Variants in NDST4 observed in about 807,000 individuals in gnomAD.
The protein encoded by NDST4 is N-deacetylase and N-sulfotransferase 4.
NDST4 carries 63 observed loss-of-function variants against 100.8 expected under a neutral mutation model. The observed-to-expected ratio is 0.62, with a 90% CI of 0.51 to 0.77. The LOEUF (loss-of-function observed/expected upper bound fraction) is 0.77, where lower values mean the gene tolerates loss of function less well. NDST4 is among the 30% of genes least tolerant of loss of function. The pLI, the probability that NDST4 is intolerant of heterozygous loss-of-function variation, is 0.00. For synonymous variants in NDST4, 377 were observed against 361.8 expected, an observed-to-expected ratio of 1.04 and a Z score of -0.48; for missense variants, 943 against 1,018.4, an observed-to-expected ratio of 0.93 and a Z score of 1.01.
At chr4:115,069,234 T>C (rs1729018229) in intron 2 of NDST4, among the ~76,000 whole-genome samples, 1 of 152,146 alleles carries the variant, frequency 6.6e-6, no homozygotes, top group African/African-American at 2.4e-5. Flanking sequence ...AGTTGAAAAC[T>C]ATATAGTGGG....
chr4:114,830,567 G>A (rs1258903339), intron 12 of NDST4, among the ~76,000 whole-genome samples: 1 of 152,168 alleles, frequency 6.6e-6, no homozygotes, highest in Non-Finnish European at 1.5e-5. Context: ...TAGCTGCACT[G>A]AGTTATAAAA....
At chr4:114,857,875 C>A (rs1402397358) in intron 7 of NDST4, among the ~76,000 whole-genome samples, 1 of 152,084 alleles carries the variant, frequency 6.6e-6, no homozygotes, top group East Asian at 1.9e-4. Flanking sequence ...GTGGATGGAC[C>A]TATGATAGTG....
Position 115,041,461 on chromosome 4 carries a change from G to GA in NDST4, c.978+34597dup, listed in dbSNP as rs1233691594. 9.9e-5 allele frequency among the ~76,000 whole-genome samples: 15 copies of GA among 151,774 alleles called. No homozygotes were observed. In the South Asian group the frequency reaches 2.7e-3, roughly 27 times the overall value. Reference sequence around the variant, plus strand: ...ATTGATGGCAAACTCAAACAGGTTTGAAAAAAAATCTCAATATTAAATATG... The same window carrying GA: ...ATTGATGGCAAACTCAAACAGGTTTGAAAAAAAAATCTCAATATTAAATATG... On this transcript the variant is annotated intron_variant, in intron 2 of 13. Transcript: ENST00000264363.
chr4:115,002,039 T>C (rs1176248961), intron 2 of NDST4, among the ~76,000 whole-genome samples: 1 of 152,210 alleles, frequency 6.6e-6, no homozygotes, highest in East Asian at 1.9e-4. Context: ...CTTCAAGTTA[T>C]GATGCTAGTA....
chr4:114,833,494 G>A, intron 12 of NDST4, 112 bp downstream of exon 12: 1 of 692,508 alleles, frequency 1.4e-6, no homozygotes, highest in Non-Finnish European at 2.6e-6. Context: ...CTTGTAGGTA[G>A]CATAGGATGT....
intron 6 of NDST4, among the ~76,000 whole-genome samples, chr4:114,899,659 A>G (rs1193970239): frequency 6.6e-6 from 1 of 152,140 alleles, no homozygotes; most frequent in Admixed American, 6.6e-5. Context: ...TTTTCCAATG[A>G]TGAGCCAGCA....
intron 2 of NDST4, among the ~76,000 whole-genome samples, chr4:115,022,551 A>G (rs1408297062): frequency 1.4e-5 from 2 of 146,432 alleles, no homozygotes; most frequent in African/African-American, 5.4e-5. Flanking sequence ...AGACGTAAAA[A>G]TGAATGAATT....
At chr4:114,989,403 A>G (rs912991083) in intron 2 of NDST4, among the ~76,000 whole-genome samples, 2 of 152,210 alleles carry the variant, frequency 1.3e-5, no homozygotes, top group African/African-American at 4.8e-5. Context: ...ATGCTTACCT[A>G]TTCAAGAAAT....
intron 2 of NDST4, among the ~76,000 whole-genome samples, chr4:115,034,297 G>A (rs1308513250): frequency 1.3e-5 from 2 of 152,012 alleles, no homozygotes; most frequent in Non-Finnish European, 2.9e-5. Context: ...CATCTGCCCT[G>A]CTAGCCGATG....
intron 7 of NDST4, among the ~76,000 whole-genome samples, chr4:114,867,183 A>C (rs1443054561): frequency 6.6e-6 from 1 of 152,122 alleles, no homozygotes; most frequent in Non-Finnish European, 1.5e-5. Flanking sequence ...TACAATCTTT[A>C]ATTCTCTGTG....
At chr4:114,979,451 T>C (rs1726716873) in intron 2 of NDST4, among the ~76,000 whole-genome samples, 1 of 150,618 alleles carries the variant, frequency 6.6e-6, no homozygotes. Context: ...GTTTGATGTA[T>C]CCAAAGTATG....
At chr4:114,946,196 G>T (rs1039458845) in intron 4 of NDST4, among the ~76,000 whole-genome samples, 1 of 152,036 alleles carries the variant, frequency 6.6e-6, no homozygotes, top group Non-Finnish European at 1.5e-5. Context: ...GCTAAATTTT[G>T]GTTCTGAAGT....
chr4:114,866,589 G>T (rs908484793), intron 7 of NDST4, among the ~76,000 whole-genome samples: 2 of 152,060 alleles, frequency 1.3e-5, no homozygotes, highest in Non-Finnish European at 2.9e-5. Flanking sequence ...GAAGAGAGTG[G>T]CTATTGTACT....
In NDST4 at chr4:114,845,863, A is replaced by G. The variant is rs565794015; in HGVS notation, c.2075T>C (p.Ile692Thr). The G allele has an allele frequency of 6.8e-6, 11 of 1,614,052 alleles. No individual in the cohort carries two copies. In the African/African-American group the frequency reaches 1.1e-4, roughly 16 times the overall value. The change falls in exon 10 of 14, where the codon ATC (isoleucine) becomes ACC (threonine). Residue 692 changes from isoleucine to threonine, a missense_variant. By Grantham distance (89) the Ile-to-Thr change is moderately conservative. This residue lies in a region of NDST4 where 526 missense variants were observed against 634.1 expected (regional missense o/e 0.83). Coordinates refer to ENST00000264363, the MANE Select transcript of NDST4 (RefSeq NM_022569.3). The stretch of plus-strand genomic sequence containing the variant: ...TGCCCTGTCTGAGGGGTCAATGAGG[A>G]TGGTGATGATCTTGGCTTTGGGGAC... ...SLVPKAKIIT[I>T]LIDPSDRAYS...
intron 1 of NDST4, among the ~76,000 whole-genome samples, chr4:115,101,673 G>T (rs1470723569): frequency 6.6e-6 from 1 of 152,082 alleles, no homozygotes; most frequent in Non-Finnish European, 1.5e-5. Flanking sequence ...CAGTCCAGTG[G>T]TATAGTGAAG....
chr4:114,910,041 C>G (rs1725032518), intron 6 of NDST4, among the ~76,000 whole-genome samples: 1 of 152,108 alleles, frequency 6.6e-6, no homozygotes, highest in Non-Finnish European at 1.5e-5. Flanking sequence ...CATTTATGAG[C>G]TAGTTCTTTA....
chr4:114,871,054 G>T (rs1012096488), intron 6 of NDST4, 104 bp from the exon 7 acceptor site: 3 of 663,380 alleles, frequency 4.5e-6, no homozygotes, highest in East Asian at 6.3e-5. Context: ...AATTTCACAA[G>T]AAGTACAATG....
chr4:115,027,888 T>C, intron 2 of NDST4, among the ~76,000 whole-genome samples: 1 of 151,958 alleles, frequency 6.6e-6, no homozygotes, highest in Non-Finnish European at 1.5e-5. Flanking sequence ...ACCCCATCTC[T>C]AATAAAAATA....
In NDST4 at chr4:114,930,504, A is replaced by C. The variant is rs114319576; in HGVS notation, c.1536+4702T>G. On this transcript the variant is annotated intron_variant, in intron 6 of 13. Coordinates refer to ENST00000264363, the MANE Select transcript of NDST4 (RefSeq NM_022569.3). ...AATTTAGAAGTTTCTATTTTCATAC[A>C]ATGTGAGTTTTTATTTATTTTTTTA... 5.8e-3 allele frequency among the ~76,000 whole-genome samples: 877 copies of C among 152,270 alleles called. 9 individuals carry two copies. The highest frequency in any genetic ancestry group is 6.6e-3 in the Non-Finnish European group (448 of 68,008).
Sources: allele counts gnomAD v4.1 joint callset (sites outside exome capture counted in the v4.1 genomes callset), GRCh38; gene constraint gnomAD v4.1.1; regional missense constraint gnomAD v4.1.1; transcripts MANE v1.5; gene names NCBI Gene and HGNC (gene_info 2026-07-23, HGNC 2026-07-21).